Variants in RIN3 observed in about 807,000 individuals in gnomAD.
The protein encoded by RIN3 is RAB5 interacting protein 3.
A neutral mutation model predicts 76.3 loss-of-function variants in RIN3; 54 were observed. That is an observed-to-expected ratio of 0.71 (90% CI 0.57 to 0.89). The LOEUF (loss-of-function observed/expected upper bound fraction) is 0.89, where lower values mean the gene tolerates loss of function less well. RIN3 is among the 40% of genes least tolerant of loss of function. RIN3 has a pLI of 0.00. For synonymous variants in RIN3, 576 were observed against 564.0 expected (o/e 1.02, Z -0.30); for missense variants, 1,256 against 1,322.1 (o/e 0.95, Z 0.78).
In RIN3 at chr14:92,615,531, T is replaced by C. The variant is rs552723241; in HGVS notation, c.440+52T>C. On this transcript the variant is annotated intron_variant, in intron 4 of 9. Transcript: ENST00000216487. Reference sequence around the variant, plus strand: ...TTATCTGGTTGTAGCAAACATCACATGCAACCCTGGGTGGGTGCAGGGGAC... The same window carrying C: ...TTATCTGGTTGTAGCAAACATCACACGCAACCCTGGGTGGGTGCAGGGGAC... 21 of 1,486,302 alleles carry C rather than the reference T, an allele frequency of 1.4e-5. No homozygotes were observed. The African/African-American group carries it at 2.2e-4, about 16-fold the overall frequency. The allele number at this position is 1,486,302 out of a possible 1,614,324, so 92.1% of individuals were successfully genotyped here. A position where few individuals can be genotyped will look rare whatever the true frequency, so the allele number is the denominator to read the frequency against.
At chr14:92,566,969 T>C (rs1006669016) in intron 2 of RIN3, among the ~76,000 whole-genome samples, 3 of 152,176 alleles carry the variant, frequency 2.0e-5, no homozygotes, top group African/African-American at 7.2e-5. Context: ...TATATGCTTA[T>C]TTAACACCAG....
At chr14:92,556,388 C>T (rs558946185) in intron 2 of RIN3, among the ~76,000 whole-genome samples, 3 of 152,190 alleles carry the variant, frequency 2.0e-5, no homozygotes, top group African/African-American at 4.8e-5. Flanking sequence ...AAATAAGGGG[C>T]TGTGTGATGG....
At chr14:92,541,924 A>G (rs1314881559) in intron 1 of RIN3, among the ~76,000 whole-genome samples, 1 of 152,232 alleles carries the variant, frequency 6.6e-6, no homozygotes, top group Non-Finnish European at 1.5e-5. Context: ...AAAATTTACA[A>G]CTCAGTAATA....
At chr14:92,580,704 C>G (rs1195091294) in intron 3 of RIN3, among the ~76,000 whole-genome samples, 1 of 152,226 alleles carries the variant, frequency 6.6e-6, no homozygotes, top group African/African-American at 2.4e-5. Context: ...CGTGCAGCCT[C>G]CAGTTTCCTA....
At chr14:92,534,291 T>C (rs112391182) in intron 1 of RIN3, among the ~76,000 whole-genome samples, 6,863 of 145,788 alleles carry the variant, frequency 0.047, 495 homozygotes, top group African/African-American at 0.17. Flanking sequence ...TCATAGAAAG[T>C]AAATGGGGCT....
In RIN3 at chr14:92,652,911, A is replaced by G; in HGVS notation, c.1862A>G (p.Gln621Arg). Residue 621 changes from glutamine (Q) to arginine (R), a missense_variant, in exon 6 of 10, where the codon CAG becomes CGG. Around this residue, in one of 3 missense-constraint regions of RIN3, gnomAD observed 428 missense variants for 521.2 expected, o/e 0.82. Transcript: ENST00000216487. This position sits in a 1 kb window ranked among gnomAD's most constrained non-coding sequence, Gnocchi z 6.4. ...DKGSYFGSLVQDYKVYSLEMM... is the reference protein window; with the variant it reads ...DKGSYFGSLVRDYKVYSLEMM... ...GGCTCGTACTTTGGCAGCCTGGTGCAGGACTACAAGGTGTACAGCCTGGAG... is the reference window on the plus strand; with the variant it reads ...GGCTCGTACTTTGGCAGCCTGGTGCGGGACTACAAGGTGTACAGCCTGGAG... The G allele has an allele frequency of 3.7e-6, 6 of 1,614,066 alleles. No individual in the cohort carries two copies. The highest frequency in any genetic ancestry group is 5.1e-6 in the Non-Finnish European group (6 of 1,180,046).
intron 3 of RIN3, among the ~76,000 whole-genome samples, chr14:92,587,721 G>A (rs1884828623): frequency 6.6e-6 from 1 of 152,052 alleles, no homozygotes; most frequent in Non-Finnish European, 1.5e-5. Context: ...GGAAGTGACT[G>A]CAAGTGGGGT....
intron 2 of RIN3, among the ~76,000 whole-genome samples, chr14:92,561,055 A>ATATATATGTATC (rs71123360): frequency 1.3e-5 from 1 of 79,162 alleles, no homozygotes; most frequent in Admixed American, 1.6e-4. Context: ...ATATATATAT[A>ATATATATGTATC]TCTGCCATAT....
chr14:92,634,204 A>AATCCCACATAAT (rs1886694146), intron 4 of RIN3, among the ~76,000 whole-genome samples: 2 of 150,948 alleles, frequency 1.3e-5, no homozygotes, highest in Non-Finnish European at 2.9e-5. Flanking sequence ...CCTCCCACAT[A>AATCCCACATAAT]GCTGGGATTA....
rs1887423891 is a variant in RIN3 at position 92,651,594 on chromosome 14, C to T, written c.545C>T (p.Ser182Phe). The stretch of plus-strand genomic sequence containing the variant: ...CTTGCTTCCACAGGTTTCTGGGACT[C>T]CTCGCTGAATCCTCCACAAGAAAGA... Reference protein sequence around the residue: ...IANLGLGFWDSSLNPPQERGK... With the variant: ...IANLGLGFWDFSLNPPQERGK... The change falls in exon 6 of 10, where the codon TCC (serine) becomes TTC (phenylalanine). Residue 182 changes from serine to phenylalanine, a missense_variant. Coordinates refer to ENST00000216487, the MANE Select transcript of RIN3 (RefSeq NM_024832.5). 1 of 1,593,480 alleles carries T rather than the reference C, an allele frequency of 6.3e-7. No individual in the cohort carries two copies. Among genetic ancestry groups the T allele is most frequent in the Non-Finnish European group, 8.6e-7 (1 of 1,166,876 alleles).
chr14:92,663,707 C>T (rs1235973293), intron 7 of RIN3, among the ~76,000 whole-genome samples: 1 of 152,184 alleles, frequency 6.6e-6, no homozygotes, highest in African/African-American at 2.4e-5. Flanking sequence ...CTGCTCAAAT[C>T]GGTTTGGGAT....
intron 5 of RIN3, among the ~76,000 whole-genome samples, chr14:92,642,816 C>T (rs1014995081): frequency 2.0e-5 from 3 of 152,202 alleles, no homozygotes; most frequent in Non-Finnish European, 4.4e-5. Context: ...GAGTTCTGGT[C>T]CTTGGGTGTT....
At chr14:92,604,734 G>T (rs1334785796) in intron 3 of RIN3, among the ~76,000 whole-genome samples, 10 of 150,992 alleles carry the variant, frequency 6.6e-5, no homozygotes, top group Non-Finnish European at 1.3e-4. Flanking sequence ...CATCTCTCTC[G>T]CCCTACCAAC....
chr14:92,666,991 G>A (rs1344247457), intron 7 of RIN3, among the ~76,000 whole-genome samples: 5 of 152,162 alleles, frequency 3.3e-5, no homozygotes, highest in Non-Finnish European at 5.9e-5. Context: ...GGGGCCAACC[G>A]GGTGGTGATA....
intron 5 of RIN3, among the ~76,000 whole-genome samples, chr14:92,650,551 C>G (rs1367962924): frequency 1.3e-5 from 2 of 152,234 alleles, no homozygotes; most frequent in African/African-American, 4.8e-5. Flanking sequence ...CACCAATTCA[C>G]AAGGAACTCT....
intron 1 of RIN3, among the ~76,000 whole-genome samples, chr14:92,548,672 C>T (rs1897342512): frequency 6.6e-6 from 1 of 152,146 alleles, no homozygotes; most frequent in Admixed American, 6.5e-5. Context: ...ACACGGACCT[C>T]ATCTGTGTCT....
chr14:92,652,915 C>G lies in RIN3; in HGVS notation c.1866C>G (p.Asp622Glu), dbSNP rs751060343. Reference sequence around the variant, plus strand: ...CGTACTTTGGCAGCCTGGTGCAGGACTACAAGGTGTACAGCCTGGAGATGA... The same window carrying G: ...CGTACTTTGGCAGCCTGGTGCAGGAGTACAAGGTGTACAGCCTGGAGATGA... Reference protein sequence around the residue: ...KGSYFGSLVQDYKVYSLEMMA... With the variant: ...KGSYFGSLVQEYKVYSLEMMA... Residue 622 changes from aspartate (D) to glutamate (E), a missense_variant, in exon 6 of 10, where the codon GAC (aspartate) becomes GAG (glutamate). Coordinates refer to ENST00000216487, the MANE Select transcript of RIN3 (RefSeq NM_024832.5). The surrounding 1 kb of genome is among the most constrained non-coding windows in gnomAD (Gnocchi z 6.4). 2.5e-6 allele frequency: 4 copies of G among 1,614,040 alleles called. No homozygotes were observed. The South Asian group carries it at 4.4e-5, about 18-fold the overall frequency.
intron 3 of RIN3, among the ~76,000 whole-genome samples, chr14:92,610,660 G>C (rs925141446): frequency 2.6e-5 from 4 of 152,202 alleles, no homozygotes; most frequent in Non-Finnish European, 5.9e-5. Context: ...TGGTGTAGAA[G>C]GTGGATCTAG....
At chr14:92,590,250 GTTC>G (rs1331782162) in intron 3 of RIN3, among the ~76,000 whole-genome samples, 4 of 152,218 alleles carry the variant, frequency 2.6e-5, no homozygotes, top group African/African-American at 9.6e-5. Flanking sequence ...AGAGCAGTCT[GTTC>G]TTCTCAATAA....
Sources: allele counts gnomAD v4.1 joint callset (sites outside exome capture counted in the v4.1 genomes callset), GRCh38; gene constraint gnomAD v4.1.1; regional missense constraint gnomAD v4.1.1; non-coding constraint Gnocchi (gnomAD v3.1); transcripts MANE v1.5; gene names NCBI Gene and HGNC (gene_info 2026-07-23, HGNC 2026-07-21).